The following PTPRM variants were observed in gnomAD, a reference collection of about 807,000 sequenced individuals.
PTPRM encodes the protein receptor-type tyrosine-protein phosphatase mu.
PTPRM carries 47 observed loss-of-function variants against 186.7 expected under a neutral mutation model. That is an observed-to-expected ratio of 0.25 (90% CI 0.20 to 0.32). The LOEUF (loss-of-function observed/expected upper bound fraction) is 0.32, where lower values mean the gene tolerates loss of function less well. PTPRM is among the 10% of genes least tolerant of loss of function. The pLI, the probability that PTPRM is intolerant of heterozygous loss-of-function variation, is 1.00. For missense variants in PTPRM, 1,494 were observed against 1,865.0 expected (o/e 0.80, Z 3.66); for synonymous variants, 668 against 674.9 (o/e 0.99, Z 0.16).
At chr18:7,958,800 G>A (rs560880335) in intron 7 of PTPRM, among the ~76,000 whole-genome samples, 26 of 152,250 alleles carry the variant, frequency 1.7e-4, no homozygotes, top group African/African-American at 5.8e-4. Flanking sequence ...CGAGCAAAGG[G>A]GGAGAACGTA....
intron 22 of PTPRM, among the ~76,000 whole-genome samples, chr18:8,324,044 A>G (rs1270853755): frequency 2.0e-5 from 3 of 152,338 alleles, no homozygotes; most frequent in East Asian, 3.9e-4. Flanking sequence ...GACAGAAACC[A>G]TAGACTTAAT....
intron 2 of PTPRM, among the ~76,000 whole-genome samples, chr18:7,847,213 C>G (rs1055852792): frequency 2.0e-5 from 3 of 151,026 alleles, no homozygotes; most frequent in African/African-American, 7.3e-5. Flanking sequence ...GACACCCAGC[C>G]TGGAGTGCTG....
At chr18:7,624,653 T>C (rs986785781) in intron 1 of PTPRM, among the ~76,000 whole-genome samples, 1 of 152,150 alleles carries the variant, frequency 6.6e-6, no homozygotes, top group African/African-American at 2.4e-5. Context: ...TTTTTGTATT[T>C]CTGGGTAGAG....
rs577713959 is a variant in PTPRM at position 8,378,821 on chromosome 18, G to A, written c.3613-346G>A. Among the ~76,000 whole-genome samples, 3 of 152,228 alleles carry A rather than the reference G, an allele frequency of 2.0e-5. No homozygotes were observed. In the South Asian group the frequency reaches 6.2e-4, roughly 32 times the overall value. ...GCTCTCCATTGTATTCCTCACATAT[G>A]CATTTTGTCCAGATGTACCCGAGTC... On this transcript the variant is annotated intron_variant, in intron 27 of 32. Coordinates refer to ENST00000580170, the MANE Select transcript of PTPRM (RefSeq NM_001105244.2).
In PTPRM at chr18:8,379,090, A is replaced by G; in HGVS notation, c.3613-77A>G. 10 of 1,275,482 alleles carry G rather than the reference A, an allele frequency of 7.8e-6. 1 individual carries two copies. In the South Asian group the frequency reaches 1.2e-4, roughly 16 times the overall value. The allele number at this position is 1,275,482 out of a possible 1,614,324, so 79.0% of individuals were successfully genotyped here. A position where few individuals can be genotyped will look rare whatever the true frequency, so the allele number is the denominator to read the frequency against. On this transcript the variant is annotated intron_variant, in intron 27 of 32. Coordinates refer to ENST00000580170, the MANE Select transcript of PTPRM (RefSeq NM_001105244.2). ...TTGCAGTCAGCCACAGGAAGTTTGC[A>G]TCTTTCGAAAACTGCACGTGAGAGG... is the stretch of plus-strand genomic sequence containing the variant.
intron 23 of PTPRM, among the ~76,000 whole-genome samples, chr18:8,366,440 A>C (rs1359503629): frequency 6.6e-6 from 1 of 152,204 alleles, no homozygotes; most frequent in Non-Finnish European, 1.5e-5. Context: ...CTTCACTTTG[A>C]TAACGGCTGC....
chr18:8,167,839 CT>C (rs1439088403), intron 14 of PTPRM, among the ~76,000 whole-genome samples: 1 of 152,218 alleles, frequency 6.6e-6, no homozygotes, highest in Admixed American at 6.5e-5. Context: ...TTCTTTGCCC[CT>C]GATGATGCAG....
chr18:8,368,787 A>C (rs889578350), intron 23 of PTPRM, among the ~76,000 whole-genome samples: 1 of 152,242 alleles, frequency 6.6e-6, no homozygotes, highest in African/African-American at 2.4e-5. Context: ...ATGACTCTGC[A>C]TAAAATTCAG....
chr18:7,706,466 G>A (rs575523117), intron 1 of PTPRM, among the ~76,000 whole-genome samples: 4 of 151,636 alleles, frequency 2.6e-5, no homozygotes, highest in Non-Finnish European at 5.9e-5. Context: ...AAGAGTGGTG[G>A]TGGTGCACCT....
At chr18:8,348,137 C>T (rs1055642777) in intron 23 of PTPRM, among the ~76,000 whole-genome samples, 3 of 152,272 alleles carry the variant, frequency 2.0e-5, no homozygotes, top group Non-Finnish European at 4.4e-5. Flanking sequence ...GCAATAGCTA[C>T]CTACTTAACA....
chr18:7,979,542 G>A (rs922432975), intron 7 of PTPRM, among the ~76,000 whole-genome samples: 3 of 152,132 alleles, frequency 2.0e-5, no homozygotes, highest in Non-Finnish European at 4.4e-5. Context: ...AAAAATACTC[G>A]TTGAAATTAA....
At chr18:7,926,804 A>G (rs1599552579) in intron 5 of PTPRM, 121 bp downstream of exon 5, 1 of 549,404 alleles carries the variant, frequency 1.8e-6, no homozygotes, top group East Asian at 3.2e-5. Context: ...CTTTGTTAAT[A>G]AGTAGCCAGA....
Position 8,387,156 on chromosome 18 carries a change from T to G in PTPRM, c.4129T>G (p.Phe1377Val). ...YRDTPVSKRS[F>V]LKLIRQVDKW... ...GGACACACCAGTGTCTAAGCGCTCC[T>G]TCTTGAAGCTCATTCGCCAGGTGGA... is the stretch of plus-strand genomic sequence containing the variant. The change falls in exon 31 of 33, where the codon TTC becomes GTC. Residue 1377 changes from phenylalanine (F) to valine (V), a missense_variant. Physicochemically the swap from Phe to Val is conservative, Grantham distance 50. Coordinates refer to ENST00000580170, the MANE Select transcript of PTPRM (RefSeq NM_001105244.2). The G allele has an allele frequency of 6.2e-7, 1 of 1,613,322 alleles. No homozygotes were observed. Among genetic ancestry groups the G allele is most frequent in the African/African-American group, 1.3e-5 (1 of 75,044 alleles).
intron 1 of PTPRM, among the ~76,000 whole-genome samples, chr18:7,601,084 T>G (rs970273521): frequency 6.6e-6 from 1 of 152,206 alleles, no homozygotes; most frequent in Non-Finnish European, 1.5e-5. Flanking sequence ...GCTGGCCCAG[T>G]GGCGTGGCTT....
chr18:7,942,882 T>TA (rs1239447661), intron 5 of PTPRM, among the ~76,000 whole-genome samples: 2 of 152,110 alleles, frequency 1.3e-5, no homozygotes, highest in African/African-American at 4.8e-5. Flanking sequence ...TTTGCTGCCT[T>TA]ACGCGTGTCT....
intron 2 of PTPRM, among the ~76,000 whole-genome samples, chr18:7,872,826 A>T (rs2048047679): frequency 6.6e-6 from 1 of 152,174 alleles, no homozygotes; most frequent in Admixed American, 6.5e-5. Flanking sequence ...GGGTTGTGTA[A>T]GCTCAGAGAA....
chr18:7,937,455 C>G (rs1042628984), intron 5 of PTPRM, among the ~76,000 whole-genome samples: 2 of 152,208 alleles, frequency 1.3e-5, no homozygotes, highest in African/African-American at 4.8e-5. Context: ...TGCTCAGTGG[C>G]CAGATCCCAT....
intron 9 of PTPRM, among the ~76,000 whole-genome samples, chr18:8,083,280 C>G (rs1220457643): frequency 2.0e-5 from 3 of 152,148 alleles, no homozygotes; most frequent in Non-Finnish European, 4.4e-5. Context: ...AACTTTTTAT[C>G]TTGGGGTGCA....
intron 22 of PTPRM, among the ~76,000 whole-genome samples, chr18:8,322,645 A>G (rs570227854): frequency 5.9e-5 from 9 of 152,298 alleles, no homozygotes; most frequent in African/African-American, 2.2e-4. Context: ...GCAGAAGAGC[A>G]TGCAAGTGGG....
Sources: gnomAD v4.1 joint callset for allele counts (sites outside exome capture counted in the v4.1 genomes callset) on GRCh38, gnomAD v4.1.1 for gene constraint, MANE v1.5 for transcripts, NCBI Gene and HGNC (gene_info 2026-07-23, HGNC 2026-07-21) for gene names.